LRRC74B: variants seen among roughly 807,000 people sequenced by gnomAD.
LRRC74B encodes the protein leucine-rich repeat-containing protein 74B.
In LRRC74B, 30 loss-of-function variants were observed where a neutral mutation model predicts 16.6. That is an observed-to-expected ratio of 1.80 (90% CI 1.35 to 2.45). The LOEUF is 2.45. Among genes scored for constraint, LRRC74B ranks in the 30% most tolerant of loss-of-function variants. LRRC74B has a pLI of 0.00. For missense variants in LRRC74B, 326 were observed against 202.4 expected (o/e 1.61, Z -3.71); for synonymous variants, 134 against 86.0 (o/e 1.56, Z -3.09).
downstream of LRRC74B, among the ~76,000 whole-genome samples, chr22:21,061,135 T>C (rs373128452): frequency 4.6e-5 from 7 of 152,172 alleles, no homozygotes; most frequent in East Asian, 5.8e-4. Flanking sequence ...TGAGACCAGC[T>C]TGACAAACAT....
intron 3 of LRRC74B, 90 bp downstream of exon 3, chr22:21,048,106 T>C (rs1377607609): frequency 1.4e-6 from 1 of 698,780 alleles, no homozygotes; most frequent in Admixed American, 2.0e-5. Flanking sequence ...CCGTGTCACC[T>C]GGGGCCTGCT....
intron 4 of LRRC74B, among the ~76,000 whole-genome samples, chr22:21,049,796 G>T (rs1283538549): frequency 6.6e-6 from 1 of 152,130 alleles, no homozygotes; most frequent in Non-Finnish European, 1.5e-5. Context: ...AAGTGAGGTA[G>T]CGGATGTGAT....
chr22:21,047,722 G>A (rs893786866), intron 2 of LRRC74B, among the ~76,000 whole-genome samples, 162 bp from the exon 3 acceptor site: 3 of 152,140 alleles, frequency 2.0e-5, no homozygotes, highest in Non-Finnish European at 4.4e-5. Flanking sequence ...GTCAGGGAGA[G>A]CTGGGGGTGG....
chr22:21,055,944 CTCCTTCT>C (rs1601820677), intron 7 of LRRC74B, among the ~76,000 whole-genome samples: 1 of 152,244 alleles, frequency 6.6e-6, no homozygotes, highest in African/African-American at 2.4e-5. Flanking sequence ...TGGTGGGGGG[CTCCTTCT>C]TCCTTCTTCC....
chr22:21,047,443 TG>T lies in LRRC74B; in HGVS notation c.228del (p.Arg77AlafsTer8). 1.4e-6 allele frequency: 1 copy of T among 717,516 alleles called. No homozygotes were observed. Among genetic ancestry groups the T allele is most frequent in the Non-Finnish European group, 2.6e-6 (1 of 385,090 alleles). The allele number at this position is 717,516 out of a possible 1,614,324, so 44.4% of individuals were successfully genotyped here. A position where few individuals can be genotyped will look rare whatever the true frequency, so the allele number is the denominator to read the frequency against. On this transcript the variant is annotated frameshift_variant, in exon 2 of 9. Coordinates refer to ENST00000442047, the Ensembl canonical transcript of LRRC74B. LOFTEE classifies it high-confidence loss of function. ...AGTGTTGTGCCCATCTCCTGCTTTCTGCGCCAAGGGAGCGCCCAAGAGCTGA... is the reference window on the plus strand; with the variant it reads ...AGTGTTGTGCCCATCTCCTGCTTTCTCGCCAAGGGAGCGCCCAAGAGCTGA...
intron 4 of LRRC74B, among the ~76,000 whole-genome samples, chr22:21,049,797 C>T (rs375921645): frequency 2.0e-5 from 3 of 152,142 alleles, no homozygotes; most frequent in Non-Finnish European, 4.4e-5. Context: ...AGTGAGGTAG[C>T]GGATGTGATT....
chr22:21,053,743 C>G (rs1601817179), intron 6 of LRRC74B: 5 of 277,180 alleles, frequency 1.8e-5, no homozygotes, highest in Non-Finnish European at 2.7e-5. Context: ...ACCACCTCAG[C>G]CTCCCAAGTA....
intron 4 of LRRC74B, among the ~76,000 whole-genome samples, chr22:21,051,500 C>T (rs1930042983): frequency 6.6e-6 from 1 of 152,098 alleles, no homozygotes; most frequent in South Asian, 2.1e-4. Context: ...CCCATCTCCT[C>T]TCTACCACAG....
chr22:21,053,544 T>A (rs1288798255), intron 6 of LRRC74B, 69 bp downstream of exon 6: 1 of 685,026 alleles, frequency 1.5e-6, no homozygotes, highest in Non-Finnish European at 2.7e-6. Flanking sequence ...GCACACAGTC[T>A]ACCCGTGATG....
intron 6 of LRRC74B, 93 bp from the exon 7 acceptor site, chr22:21,055,005 C>A: frequency 1.5e-6 from 1 of 677,784 alleles, no homozygotes; most frequent in Admixed American, 2.1e-5. Flanking sequence ...CTGGTGGCTG[C>A]AATGGCAGCT....
At position 21,057,208 on chromosome 22, in the gene LRRC74B, C is replaced by A. The variant is rs751066435; in HGVS notation, c.1023+8C>A. 17 of 717,080 alleles carry A rather than the reference C, an allele frequency of 2.4e-5. 1 individual carries two copies. The highest frequency in any genetic ancestry group is 1.6e-4 in the South Asian group (11 of 67,538). The allele number at this position is 717,080 out of a possible 1,614,324, so 44.4% of individuals were successfully genotyped here. A position where few individuals can be genotyped will look rare whatever the true frequency, so the allele number is the denominator to read the frequency against. On this transcript the variant is annotated splice_region_variant and intron_variant, in intron 8 of 8. Transcript: ENST00000442047. Reference sequence around the variant, plus strand: ...GAACTGCTGGATTTCTCAGTAAGAGCATTTTATAAACCTCGTTTCTGATCC... The same window carrying A: ...GAACTGCTGGATTTCTCAGTAAGAGAATTTTATAAACCTCGTTTCTGATCC...
At chr22:21,045,988 T>C (rs571291045) in exon 1 of LRRC74B, 7 of 717,250 alleles carry the variant, frequency 9.8e-6, no homozygotes, top group Non-Finnish European at 1.6e-5. Flanking sequence ...GTCGTAACCA[T>C]GAGGGGTTCC....
At chr22:21,051,723 C>T (rs1216329400) in intron 4 of LRRC74B, among the ~76,000 whole-genome samples, 1 of 152,190 alleles carries the variant, frequency 6.6e-6, no homozygotes, top group Non-Finnish European at 1.5e-5. Flanking sequence ...CACACAAGGC[C>T]CCTCAGCATC....
chr22:21,051,169 C>CT (rs1284980860), intron 4 of LRRC74B, among the ~76,000 whole-genome samples: 1 of 152,108 alleles, frequency 6.6e-6, no homozygotes. Flanking sequence ...ACAAAAAATA[C>CT]TTTCTTTCCT....
Position 21,060,369 on chromosome 22 carries a change from T to C in LRRC74B, c.1024-4T>C, listed in dbSNP as rs768815690. On this transcript the variant is annotated splice_region_variant and splice_polypyrimidine_tract_variant and intron_variant, in intron 8 of 8. Coordinates refer to ENST00000442047, the Ensembl canonical transcript of LRRC74B. Reference sequence around the variant, plus strand: ...GTTCATCCTTGTAATGGGTGTCTCCTTAGGATATCCAGGTGAACGCAGAGT... The same window carrying C: ...GTTCATCCTTGTAATGGGTGTCTCCCTAGGATATCCAGGTGAACGCAGAGT... 5.4e-5 allele frequency: 38 copies of C among 709,112 alleles called. No individual in the cohort carries two copies. The African/African-American group carries it at 5.4e-4, about 10-fold the overall frequency. 43.9% of individuals were successfully genotyped at this position (709,112 alleles called of 1,614,324 possible). A position where few individuals can be genotyped will look rare whatever the true frequency, so the allele number is the denominator to read the frequency against.
Position 21,055,180 on chromosome 22 carries a change from A to G in LRRC74B, c.927+4A>G, listed in dbSNP as rs1819458178. ...CCAGACGCTGAGGATTCTTGTAGTG[A>G]GTGCTAGCCTGATGACTGAGACACC... On this transcript the variant is annotated splice_donor_region_variant and intron_variant, in intron 7 of 8. Transcript: ENST00000442047. 2 of 715,176 alleles carry G rather than the reference A, an allele frequency of 2.8e-6. No individual in the cohort carries two copies. Among genetic ancestry groups the G allele is most frequent in the African/African-American group, 1.7e-5 (1 of 57,208 alleles). The allele number at this position is 715,176 out of a possible 1,614,324, so 44.3% of individuals were successfully genotyped here. A position where few individuals can be genotyped will look rare whatever the true frequency, so the allele number is the denominator to read the frequency against.
chr22:21,048,497 T>A (rs1227931757), intron 3 of LRRC74B: 1 of 254,998 alleles, frequency 3.9e-6, no homozygotes, highest in Non-Finnish European at 7.7e-6. Context: ...CCAAAATACC[T>A]TATGGGCTTG....
chr22:21,058,647 G>C (rs1930666896), intron 8 of LRRC74B, among the ~76,000 whole-genome samples: 1 of 152,064 alleles, frequency 6.6e-6, no homozygotes, highest in Admixed American at 6.5e-5. Context: ...CTTCAGGTTT[G>C]GGACAACCGA....
At chr22:21,046,899 C>T (rs1482500067) in intron 1 of LRRC74B, among the ~76,000 whole-genome samples, 3 of 152,004 alleles carry the variant, frequency 2.0e-5, no homozygotes, top group Non-Finnish European at 4.4e-5. Flanking sequence ...CGAGACCAGC[C>T]TGGCCAACAT....
Sources: gnomAD v4.1 joint callset for allele counts (sites outside exome capture counted in the v4.1 genomes callset) on GRCh38, gnomAD v4.1.1 for gene constraint, MANE v1.5 for transcripts, NCBI Gene and HGNC (gene_info 2026-07-23, HGNC 2026-07-21) for gene names.